Variants in JPH1 observed in about 807,000 individuals in gnomAD.
JPH1 encodes junctophilin-1.
Under a neutral mutation model 53.6 loss-of-function variants are expected in JPH1, and 12 were observed. The ratio of observed to expected loss-of-function variants is 0.22; its 90% CI spans 0.14 to 0.36. The LOEUF is 0.36. Ranked by LOEUF, JPH1 falls within the 10% of genes least tolerant of loss-of-function variation. The probability of loss-of-function intolerance (pLI) is 1.00; values close to 1 mark genes in which losing one functional copy is unlikely to be tolerated. For synonymous variants in JPH1, 375 were observed against 363.8 expected, an observed-to-expected ratio of 1.03 and a Z score of -0.35; for missense variants, 808 against 905.5, an observed-to-expected ratio of 0.89 and a Z score of 1.38.
chr8:74,274,697 G>A (rs1806798977), intron 2 of JPH1, among the ~76,000 whole-genome samples: 1 of 152,174 alleles, frequency 6.6e-6, no homozygotes, highest in South Asian at 2.1e-4. Context: ...CCTTTCTAGA[G>A]AACAGCTGTT....
Position 74,238,405 on chromosome 8 carries a change from G to C in JPH1, c.1906-1102C>G, listed in dbSNP as rs115482048. On this transcript the variant is annotated intron_variant, in intron 4 of 5. Transcript: ENST00000342232. The stretch of plus-strand genomic sequence containing the variant: ...CTCAAGAAGGTCTCTTTCCCTGACT[G>C]AGCCCACATCTCCGTGGTAGAGGTC... 5.9e-3 allele frequency among the ~76,000 whole-genome samples: 901 copies of C among 152,290 alleles called. 12 individuals carry two copies. Among genetic ancestry groups the C allele is most frequent in the African/African-American group, 0.021 (860 of 41,556 alleles).
At chr8:74,248,448 A>G (rs1563394686) in intron 3 of JPH1, among the ~76,000 whole-genome samples, 1 of 152,246 alleles carries the variant, frequency 6.6e-6, no homozygotes, top group Non-Finnish European at 1.5e-5. Flanking sequence ...ATTGAAGCCT[A>G]GAAATATTAA....
intron 2 of JPH1, among the ~76,000 whole-genome samples, chr8:74,285,252 T>C (rs1807129225): frequency 6.6e-6 from 1 of 152,228 alleles, no homozygotes; most frequent in Admixed American, 6.5e-5. Context: ...CATACACACA[T>C]ACACACACAT....
chr8:74,299,061 GT>G (rs1001280652), intron 2 of JPH1, among the ~76,000 whole-genome samples: 1 of 152,074 alleles, frequency 6.6e-6, no homozygotes, highest in Non-Finnish European at 1.5e-5. Flanking sequence ...CTTTGAGGGG[GT>G]TTTTTTCTCC....
Position 74,244,521 on chromosome 8 carries a change from G to C in JPH1, c.1905+8C>G. The C allele has an allele frequency of 6.3e-7, 1 of 1,594,122 alleles. No individual in the cohort carries two copies. On this transcript the variant is annotated splice_region_variant and intron_variant, in intron 4 of 5. Coordinates refer to ENST00000342232, the MANE Select transcript of JPH1 (RefSeq NM_020647.4). ...AAAGAAAGAGAAAACGCTACTTGCAGTACTTACTGAATTGGCTTCTTTTTC... is the reference window on the plus strand; with the variant it reads ...AAAGAAAGAGAAAACGCTACTTGCACTACTTACTGAATTGGCTTCTTTTTC...
In JPH1 at chr8:74,236,099, A is replaced by G. The variant is rs554944750; in HGVS notation, c.*952T>C. The stretch of plus-strand genomic sequence containing the variant: ...ATTTCTTAGAATTCTGTTGTGTTTC[A>G]GCTTTTAAAATTTAGCACTTCCTAA... On this transcript the variant is annotated 3_prime_UTR_variant, in exon 6 of 6. Coordinates refer to ENST00000342232, the MANE Select transcript of JPH1 (RefSeq NM_020647.4). 2.0e-5 allele frequency: 3 copies of G among 152,342 alleles called. No homozygotes were observed. The South Asian group carries it at 6.2e-4, about 32-fold the overall frequency. The allele number at this position is 152,342 out of a possible 1,614,324, so 9.4% of individuals were successfully genotyped here.
intron 2 of JPH1, among the ~76,000 whole-genome samples, chr8:74,259,819 TC>T (rs1361950261): frequency 1.3e-5 from 2 of 151,892 alleles, no homozygotes; most frequent in Non-Finnish European, 2.9e-5. Context: ...TTGGCATTCC[TC>T]CCCCCCACCT....
At chr8:74,247,653 A>G (rs1805896018) in intron 3 of JPH1, among the ~76,000 whole-genome samples, 1 of 152,190 alleles carries the variant, frequency 6.6e-6, no homozygotes, top group African/African-American at 2.4e-5. Flanking sequence ...CGCCCTGAGA[A>G]ATGAAGCTGT....
At chr8:74,304,363 A>G (rs1807773180) in intron 2 of JPH1, among the ~76,000 whole-genome samples, 1 of 152,234 alleles carries the variant, frequency 6.6e-6, no homozygotes, top group African/African-American at 2.4e-5. Flanking sequence ...GTCTTTACAA[A>G]GTAATCTATT....
At position 74,309,656 on chromosome 8, in the gene JPH1, A is replaced by G. The variant is rs10107380; in HGVS notation, c.1139+5205T>C. On this transcript the variant is annotated intron_variant, in intron 2 of 5. Transcript: ENST00000342232. ...CATTTAAGGAATTATTGGAGACAAG[A>G]GTCGATGGAGTAAAAATTGACGAAA... Among the ~76,000 whole-genome samples, 1,503 of 152,374 alleles carry G rather than the reference A, an allele frequency of 9.9e-3. 30 individuals are homozygous for G. The highest frequency in any genetic ancestry group is 0.035 in the African/African-American group (1,444 of 41,594).
chr8:74,245,086 T>C lies in JPH1; in HGVS notation c.1348A>G (p.Lys450Glu). 6.2e-7 allele frequency: 1 copy of C among 1,613,780 alleles called. No homozygotes were observed. Among genetic ancestry groups the C allele is most frequent in the Non-Finnish European group, 8.5e-7 (1 of 1,179,968 alleles). The change falls in exon 4 of 6, where the codon AAG becomes GAG. Residue 450 changes from lysine (K) to glutamate (E), a missense_variant. This residue lies in a region of JPH1 where 756 missense variants were observed against 811.9 expected (regional missense o/e 0.93). Coordinates refer to ENST00000342232, the MANE Select transcript of JPH1 (RefSeq NM_020647.4). Reference sequence around the variant, plus strand: ...TTGCGATAAAAATGAGGAGACTCCTTTGGTGTAGGTGGCTTTTCTGGTACC... The same window carrying C: ...TTGCGATAAAAATGAGGAGACTCCTCTGGTGTAGGTGGCTTTTCTGGTACC... The part of the protein sequence containing the change: ...EKVPEKPPTP[K>E]ESPHFYRKGT...
At chr8:74,304,349 T>C (rs1807772655) in intron 2 of JPH1, among the ~76,000 whole-genome samples, 1 of 152,218 alleles carries the variant, frequency 6.6e-6, no homozygotes, top group African/African-American at 2.4e-5. Context: ...TCCAGGGCAT[T>C]TGAGTCTTTA....
intron 2 of JPH1, among the ~76,000 whole-genome samples, chr8:74,262,493 T>C (rs940724239): frequency 1.3e-5 from 2 of 152,112 alleles, no homozygotes; most frequent in African/African-American, 4.8e-5. Flanking sequence ...AGGCAAAAAA[T>C]GCATACACCA....
intron 2 of JPH1, among the ~76,000 whole-genome samples, chr8:74,276,172 C>T (rs1326702765): frequency 6.6e-6 from 1 of 152,000 alleles, no homozygotes; most frequent in African/African-American, 2.4e-5. Flanking sequence ...ATTAAATGGA[C>T]ACATAAAACC....
chr8:74,296,104 G>C (rs567112093), intron 2 of JPH1, among the ~76,000 whole-genome samples: 3 of 149,382 alleles, frequency 2.0e-5, no homozygotes, highest in Non-Finnish European at 4.4e-5. Flanking sequence ...GCCTAATACT[G>C]CCTATTCTAA....
chr8:74,292,807 G>T (rs1807377724), intron 2 of JPH1, among the ~76,000 whole-genome samples: 1 of 152,194 alleles, frequency 6.6e-6, no homozygotes, highest in South Asian at 2.1e-4. Flanking sequence ...GTGGGCAATT[G>T]TGTTGAAAAG....
chr8:74,314,920 A>G lies in JPH1; in HGVS notation c.1080T>C (p.Ile360=), dbSNP rs779488391. 17 of 1,614,056 alleles carry G rather than the reference A, an allele frequency of 1.1e-5. No individual in the cohort carries two copies. The East Asian group carries it at 2.2e-4, about 21-fold the overall frequency. Residue 360 remains isoleucine, a synonymous_variant, in exon 2 of 6, where the codon ATT becomes ATC. Coordinates refer to ENST00000342232, the MANE Select transcript of JPH1 (RefSeq NM_020647.4). The part of the protein sequence containing the change: ...TKTREKVDRA[I]EGAQRAAAMA... ...TGGCAGCTGCCCTTTGGGCGCCTTCAATTGCTCTGTCCACCTTCTCCCTAG... is the reference window on the plus strand; with the variant it reads ...TGGCAGCTGCCCTTTGGGCGCCTTCGATTGCTCTGTCCACCTTCTCCCTAG...
intron 2 of JPH1, among the ~76,000 whole-genome samples, chr8:74,300,916 G>A (rs543207597): frequency 7.7e-4 from 117 of 152,152 alleles, no homozygotes; most frequent in Non-Finnish European, 1.5e-3. Flanking sequence ...TCATATGAAT[G>A]ATGGAGCCTT....
intron 2 of JPH1, among the ~76,000 whole-genome samples, chr8:74,271,643 T>C (rs372236196): frequency 8.5e-5 from 13 of 152,254 alleles, no homozygotes; most frequent in African/African-American, 3.1e-4. Context: ...ACTTGTAAAA[T>C]GTATTTAAAA....
Sources: allele counts gnomAD v4.1 joint callset (sites outside exome capture counted in the v4.1 genomes callset), GRCh38; gene constraint gnomAD v4.1.1; regional missense constraint gnomAD v4.1.1; transcripts MANE v1.5; gene names NCBI Gene and HGNC (gene_info 2026-07-23, HGNC 2026-07-21).